SERINC5: variants seen among roughly 807,000 people sequenced by gnomAD.
SERINC5 encodes chromosome 5 open reading frame 12.
In SERINC5, 41 loss-of-function variants were observed where a neutral mutation model predicts 63.1. That is an observed-to-expected ratio of 0.65 (90% confidence interval 0.51 to 0.84). SERINC5 has a LOEUF of 0.84. SERINC5 is among the 40% of genes least tolerant of loss of function. The pLI is 0.00. For synonymous variants in SERINC5, 222 were observed against 215.2 expected, an observed-to-expected ratio of 1.03 and a Z score of -0.28; for missense variants, 523 against 573.0, an observed-to-expected ratio of 0.91 and a Z score of 0.89.
chr5:80,202,899 T>C lies in SERINC5; in HGVS notation c.182A>G (p.Lys61Arg), dbSNP rs1749931315. 2 of 1,610,334 alleles carry C rather than the reference T, an allele frequency of 1.2e-6. No individual in the cohort carries two copies. Among genetic ancestry groups the C allele is most frequent in the African/African-American group, 1.3e-5 (1 of 74,860 alleles). ...CIMMSTTVAHKMKEHIPFFED... is the reference protein window; with the variant it reads ...CIMMSTTVAHRMKEHIPFFED... ...GGACAAACTTACGTGCTCTTTCATC[T>C]TGTGAGCCACGGTTGTTGACATCAT... The change falls in exon 2 of 12, where the codon AAG becomes AGG. Residue 61 changes from lysine (K) to arginine (R), a missense_variant. Physicochemically the swap from Lys to Arg is conservative, Grantham distance 26 (BLOSUM62 2). Transcript: ENST00000507668.
rs572582245 is a variant in SERINC5, at chr5:80,145,964, C to A, written c.1238+126G>T. On this transcript the variant is annotated intron_variant, in intron 11 of 11. Transcript: ENST00000507668. ...AGCAGAGGTTGCAGTGAGCCAGGAT[C>A]GTGCCACTGCACTCCAGCCTGGGCA... The A allele has an allele frequency of 7.5e-5, 71 of 942,556 alleles. No individual in the cohort carries two copies. In the African/African-American group the frequency reaches 1.1e-3, roughly 14 times the overall value. 58.4% of individuals were successfully genotyped at this position (942,556 alleles called of 1,614,324 possible).
intron 11 of SERINC5, among the ~76,000 whole-genome samples, chr5:80,118,291 A>T (rs1744410451): frequency 6.6e-6 from 1 of 152,182 alleles, no homozygotes; most frequent in Admixed American, 6.5e-5. Flanking sequence ...CAAAGTTAAC[A>T]TTTACAGTTC....
chr5:80,145,679 A>T (rs1745772127), intron 11 of SERINC5, among the ~76,000 whole-genome samples: 1 of 152,170 alleles, frequency 6.6e-6, no homozygotes, highest in African/African-American at 2.4e-5. Flanking sequence ...CCATTTTCTT[A>T]AAGTTGCCAT....
At chr5:80,231,505 G>A (rs1212922466) in intron 1 of SERINC5, among the ~76,000 whole-genome samples, 1 of 151,938 alleles carries the variant, frequency 6.6e-6, no homozygotes, top group Non-Finnish European at 1.5e-5. Context: ...AAAAAAATGA[G>A]TCAGCCATCT....
At chr5:80,130,101 C>T (rs1561351989) in intron 11 of SERINC5, among the ~76,000 whole-genome samples, 5 of 152,100 alleles carry the variant, frequency 3.3e-5, no homozygotes, top group South Asian at 2.1e-4. Context: ...GCATTTTAGC[C>T]GGACTTGGTG....
chr5:80,160,349 T>C (rs1371899381), intron 7 of SERINC5, among the ~76,000 whole-genome samples: 2 of 152,234 alleles, frequency 1.3e-5, no homozygotes, highest in Non-Finnish European at 2.9e-5. Context: ...AGTGGTAATT[T>C]ACCTTTTACC....
intron 5 of SERINC5, among the ~76,000 whole-genome samples, chr5:80,170,428 T>C (rs149935801): frequency 1.3e-5 from 2 of 152,286 alleles, no homozygotes; most frequent in East Asian, 3.9e-4. Flanking sequence ...ATCTAGCTAA[T>C]GTGTAGTCCT....
chr5:80,241,721 TA>T (rs1233053487), intron 1 of SERINC5, among the ~76,000 whole-genome samples: 8 of 150,372 alleles, frequency 5.3e-5, no homozygotes, highest in Non-Finnish European at 1.0e-4. Context: ...TTAATAGGAA[TA>T]AAAAAAAGAA....
At chr5:80,228,908 CAAG>C (rs1356459944) in intron 1 of SERINC5, among the ~76,000 whole-genome samples, 4 of 149,644 alleles carry the variant, frequency 2.7e-5, no homozygotes, top group Non-Finnish European at 5.9e-5. Flanking sequence ...TGACAAGAAA[CAAG>C]AACAAAAGAA....
intron 1 of SERINC5, among the ~76,000 whole-genome samples, chr5:80,224,959 T>C (rs141460553): frequency 6.7e-6 from 1 of 148,398 alleles, no homozygotes; most frequent in East Asian, 2.0e-4. Flanking sequence ...TTTTTTTTTT[T>C]AGACAAGTTT....
intron 1 of SERINC5, among the ~76,000 whole-genome samples, chr5:80,232,903 G>C (rs773541079): frequency 1.3e-5 from 2 of 152,150 alleles, no homozygotes; most frequent in Non-Finnish European, 2.9e-5. Context: ...TTCATTAATA[G>C]GAAACGTCTA....
chr5:80,125,356 C>A (rs1186829581), intron 11 of SERINC5, among the ~76,000 whole-genome samples: 1 of 152,186 alleles, frequency 6.6e-6, no homozygotes, highest in East Asian at 1.9e-4. Flanking sequence ...CCAAGAAATG[C>A]TTCCTAGAGG....
At chr5:80,201,974 C>T (rs1023756153) in intron 2 of SERINC5, among the ~76,000 whole-genome samples, 2 of 152,130 alleles carry the variant, frequency 1.3e-5, no homozygotes, top group East Asian at 1.9e-4. Context: ...CAGTGGCTCA[C>T]GCCTGTAATC....
At chr5:80,187,135 C>T (rs1748860041) in intron 2 of SERINC5, among the ~76,000 whole-genome samples, 1 of 151,932 alleles carries the variant, frequency 6.6e-6, no homozygotes, top group African/African-American at 2.4e-5. Flanking sequence ...CACTGCACTC[C>T]AGCTTGGGTG....
At chr5:80,167,487 T>C (rs986111232) in intron 6 of SERINC5, among the ~76,000 whole-genome samples, 1 of 152,238 alleles carries the variant, frequency 6.6e-6, no homozygotes, top group African/African-American at 2.4e-5. Context: ...TTATTCAATC[T>C]ACCATTGACG....
chr5:80,150,438 T>G (rs1484374403), intron 9 of SERINC5, among the ~76,000 whole-genome samples: 1 of 152,174 alleles, frequency 6.6e-6, no homozygotes, highest in Non-Finnish European at 1.5e-5. Flanking sequence ...ATTTTTCTTT[T>G]TTATTTTATT....
At position 80,143,099 on chromosome 5, in the gene SERINC5, G is replaced by A. The variant is rs775417259; in HGVS notation, c.*564C>T. The A allele has an allele frequency of 7.2e-5, 71 of 985,270 alleles. No homozygotes were observed. The highest frequency in any genetic ancestry group is 8.3e-5 in the Non-Finnish European group (69 of 829,970). The allele number at this position is 985,270 out of a possible 1,614,324, so 61.0% of individuals were successfully genotyped here. The stretch of plus-strand genomic sequence containing the variant: ...ACAACCTCAAAGGGAAACGTTTAGG[G>A]GCCGTGAAGAGGCAGCACTGAGGGT... On this transcript the variant is annotated 3_prime_UTR_variant, in exon 12 of 12. Coordinates refer to ENST00000507668, the MANE Select transcript of SERINC5 (RefSeq NM_001174072.3).
intron 1 of SERINC5, among the ~76,000 whole-genome samples, chr5:80,238,410 TA>T (rs543961684): frequency 7.2e-4 from 109 of 152,250 alleles, no homozygotes; most frequent in African/African-American, 2.5e-3. Context: ...GAAAATAACT[TA>T]AACAACTGCT....
At chr5:80,130,460 T>G (rs1459031171) in intron 11 of SERINC5, among the ~76,000 whole-genome samples, 1 of 152,280 alleles carries the variant, frequency 6.6e-6, no homozygotes, top group East Asian at 1.9e-4. Context: ...AGCTACTTGG[T>G]TGAGGCCAAG....
Sources: allele counts gnomAD v4.1 joint callset (sites outside exome capture counted in the v4.1 genomes callset), GRCh38; gene constraint gnomAD v4.1.1; transcripts MANE v1.5; gene names NCBI Gene and HGNC (gene_info 2026-07-23, HGNC 2026-07-21).